The following RORA variants were observed in gnomAD, a reference collection of about 807,000 sequenced individuals.
The protein encoded by RORA is nuclear receptor ROR-alpha.
A neutral mutation model predicts 69.5 loss-of-function variants in RORA; 7 were observed. That is an observed-to-expected ratio of 0.10 (90% CI 0.06 to 0.19). RORA has a LOEUF of 0.19. RORA is among the 10% of genes least tolerant of loss of function. The probability of loss-of-function intolerance (pLI) is 1.00; values close to 1 mark genes in which losing one functional copy is unlikely to be tolerated. For synonymous variants in RORA, 261 were observed against 240.8 expected (o/e 1.08, Z -0.78); for missense variants, 457 against 663.0 (o/e 0.69, Z 3.41).
At chr15:61,178,430 G>C (rs2079651070) in intron 1 of RORA, among the ~76,000 whole-genome samples, 1 of 151,688 alleles carries the variant, frequency 6.6e-6, no homozygotes, top group Non-Finnish European at 1.5e-5. Flanking sequence ...CTAAATATTT[G>C]AAAATATAAT....
chr15:60,783,719 G>A (rs183788990), intron 1 of RORA, among the ~76,000 whole-genome samples: 1 of 152,098 alleles, frequency 6.6e-6, no homozygotes, highest in African/African-American at 2.4e-5. Context: ...GCTAAAATGG[G>A]GCCCCACTCT....
intron 1 of RORA, among the ~76,000 whole-genome samples, chr15:60,907,875 A>G (rs17270599): frequency 0.087 from 13,247 of 152,096 alleles, 664 homozygotes; most frequent in Non-Finnish European, 0.11. Flanking sequence ...TCAAACACTA[A>G]TTTTTCAGCA....
chr15:61,044,484 T>C (rs893270010), intron 1 of RORA, among the ~76,000 whole-genome samples: 2 of 152,192 alleles, frequency 1.3e-5, no homozygotes, highest in African/African-American at 4.8e-5. Context: ...GTGCTGTCAG[T>C]GCAAAATCCA....
chr15:61,016,811 G>A (rs2140405514), intron 1 of RORA, among the ~76,000 whole-genome samples: 1 of 152,250 alleles, frequency 6.6e-6, no homozygotes, highest in Non-Finnish European at 1.5e-5. Context: ...GGCAAGCAGA[G>A]AAAACTGGTG....
chr15:61,197,950 G>T (rs2079860221), intron 1 of RORA, among the ~76,000 whole-genome samples: 1 of 152,112 alleles, frequency 6.6e-6, no homozygotes. Flanking sequence ...TGCTTGTTTT[G>T]TGTGGTATCA....
At position 60,768,393 on chromosome 15, in the gene RORA, G is replaced by A. The variant is rs369358583; in HGVS notation, c.167-89707C>T. Among the ~76,000 whole-genome samples the A allele has an allele frequency of 6.6e-5, 10 of 152,302 alleles. No homozygotes were observed. In the South Asian group the frequency reaches 1.2e-3, roughly 19 times the overall value. The stretch of plus-strand genomic sequence containing the variant: ...ACAATTCCACCAAGAGCTTGTGAAC[G>A]TACCTGAAAGGATGGGCAGGTTTGT... On this transcript the variant is annotated intron_variant, in intron 1 of 10. Coordinates refer to ENST00000335670, the MANE Select transcript of RORA (RefSeq NM_134261.3).
At chr15:61,116,672 C>G (rs708684) in intron 1 of RORA, among the ~76,000 whole-genome samples, 69,882 of 151,994 alleles carry the variant, frequency 0.46, 17,149 homozygotes, top group East Asian at 0.64. Flanking sequence ...CATTGACGAG[C>G]TTTCCTCAGG....
intron 1 of RORA, among the ~76,000 whole-genome samples, chr15:61,177,742 C>G (rs1035100580): frequency 1.3e-5 from 2 of 152,134 alleles, no homozygotes; most frequent in Non-Finnish European, 2.9e-5. Context: ...AGGCAGATCT[C>G]TTGAGGTCAG....
chr15:60,653,845 T>C (rs2070183023), intron 2 of RORA, among the ~76,000 whole-genome samples: 1 of 152,170 alleles, frequency 6.6e-6, no homozygotes, highest in African/African-American at 2.4e-5. Flanking sequence ...TTCTCCATGT[T>C]GGCTGTCTTA....
At chr15:60,712,114 G>C (rs2071152003) in intron 1 of RORA, among the ~76,000 whole-genome samples, 1 of 151,964 alleles carries the variant, frequency 6.6e-6, no homozygotes, top group Non-Finnish European at 1.5e-5. Context: ...CTTTCAAATG[G>C]GACTCATATC....
At chr15:60,890,135 G>A (rs1284523095) in intron 1 of RORA, among the ~76,000 whole-genome samples, 1 of 152,130 alleles carries the variant, frequency 6.6e-6, no homozygotes, top group Non-Finnish European at 1.5e-5. Flanking sequence ...ATGCACATAC[G>A]CATCCCTGCA....
At chr15:61,017,408 G>A (rs1210569094) in intron 1 of RORA, among the ~76,000 whole-genome samples, 1 of 152,170 alleles carries the variant, frequency 6.6e-6, no homozygotes, top group African/African-American at 2.4e-5. Context: ...AAAGTATTAA[G>A]ATATGCTGAG....
intron 2 of RORA, among the ~76,000 whole-genome samples, chr15:60,604,028 G>T (rs1330190785): frequency 6.6e-6 from 1 of 151,568 alleles, no homozygotes; most frequent in Non-Finnish European, 1.5e-5. Context: ...ATCTACGCAG[G>T]AGGCTGAGGC....
intron 1 of RORA, among the ~76,000 whole-genome samples, chr15:61,029,297 T>C (rs1210259773): frequency 6.6e-6 from 1 of 151,956 alleles, no homozygotes; most frequent in Non-Finnish European, 1.5e-5. Context: ...ACGAGCACCA[T>C]TGGAAAGACA....
In RORA at chr15:60,490,034, G is replaced by C. The variant is rs2065016414; in HGVS notation, c.*7421C>G. 1 of 151,582 alleles carries C rather than the reference G, an allele frequency of 6.6e-6. No homozygotes were observed. 9.4% of individuals were successfully genotyped at this position (151,582 alleles called of 1,614,324 possible). A position where few individuals can be genotyped will look rare whatever the true frequency, so the allele number is the denominator to read the frequency against. ...TATAGATGTCAAATATCCATACTAA[G>C]GAAGTAATTTTATCCTAATTAAATA... On this transcript the variant is annotated 3_prime_UTR_variant, in exon 11 of 11. Coordinates refer to ENST00000335670, the MANE Select transcript of RORA (RefSeq NM_134261.3). This position sits in a 1 kb window ranked among gnomAD's most constrained non-coding sequence, Gnocchi z 4.1.
intron 2 of RORA, chr15:60,677,257 T>C: frequency 2.2e-6 from 1 of 450,452 alleles, no homozygotes; most frequent in Admixed American, 2.4e-5. Flanking sequence ...AGGACTTCAG[T>C]CTCCTGCACT....
chr15:60,829,978 A>G (rs2073020747), intron 1 of RORA, among the ~76,000 whole-genome samples: 1 of 152,216 alleles, frequency 6.6e-6, no homozygotes. Flanking sequence ...AATAGCTCTG[A>G]GTAATGAATG....
In RORA at chr15:60,592,748, G is replaced by C. The variant is rs980425084; in HGVS notation, c.197-60897C>G. On this transcript the variant is annotated intron_variant, in intron 2 of 10. Transcript: ENST00000335670. ...CTGCTGGCCCACCCCGGCCGGGCCT[G>C]CCCTCCCGCGCCCCGGGCCCTCGCC... The C allele has an allele frequency of 4.7e-6, 5 of 1,061,142 alleles. No individual in the cohort carries two copies. In the Admixed American group the frequency reaches 1.4e-4, roughly 30 times the overall value. The allele number at this position is 1,061,142 out of a possible 1,614,324, so 65.7% of individuals were successfully genotyped here.
At chr15:60,671,096 A>ATATATATC (rs1261836824) in intron 2 of RORA, among the ~76,000 whole-genome samples, 2 of 129,958 alleles carry the variant, frequency 1.5e-5, no homozygotes, top group African/African-American at 3.0e-5. Flanking sequence ...ATATATATAT[A>ATATATATC]TCTGTTTCCT....
Sources: allele counts gnomAD v4.1 joint callset (sites outside exome capture counted in the v4.1 genomes callset), GRCh38; gene constraint gnomAD v4.1.1; non-coding constraint Gnocchi (gnomAD v3.1); transcripts MANE v1.5; gene names NCBI Gene and HGNC (gene_info 2026-07-23, HGNC 2026-07-21).